WNT2: variants seen among roughly 807,000 people sequenced by gnomAD.
WNT2 encodes Wnt family member 2, also known as protein Wnt-2.
WNT2 carries 12 observed loss-of-function variants against 36.9 expected under a neutral mutation model. The observed-to-expected ratio is 0.33, with a 90% CI of 0.21 to 0.53. WNT2 has a LOEUF of 0.53. WNT2 is among the 20% of genes least tolerant of loss of function. WNT2 has a pLI of 0.95. For missense variants in WNT2, 379 were observed against 473.1 expected, an observed-to-expected ratio of 0.80 and a Z score of 1.84; for synonymous variants, 163 against 174.6, an observed-to-expected ratio of 0.93 and a Z score of 0.52.
At chr7:117,320,880 G>T in intron 1 of WNT2, 87 bp from the exon 2 acceptor site, 2 of 1,159,188 alleles carry the variant, frequency 1.7e-6, no homozygotes, top group Non-Finnish European at 2.5e-6. Context: ...GGAGTTCAAA[G>T]CACTTTTCAA....
intron 3 of WNT2, 41 bp downstream of exon 3, chr7:117,315,030 G>A: frequency 6.2e-7 from 1 of 1,603,964 alleles, no homozygotes; most frequent in Non-Finnish European, 8.5e-7. Flanking sequence ...GGTTTATAAA[G>A]CCATGCAGCC....
chr7:117,297,981 A>G, intron 3 of WNT2, 105 bp from the exon 4 acceptor site: 2 of 1,424,106 alleles, frequency 1.4e-6, no homozygotes, highest in Non-Finnish European at 9.4e-7. Flanking sequence ...AGGATGCTGG[A>G]TCCTGGGGCA....
Position 117,278,256 on chromosome 7 carries a change from A to G in WNT2, c.982T>C (p.Phe328Leu), listed in dbSNP as rs989117311. Residue 328 changes from phenylalanine (F) to leucine (L), a missense_variant, in exon 5 of 5, where the codon TTC becomes CTC. Transcript: ENST00000265441. ...VTRMTKCGCK[F>L]HWCCAVRCQD... ...CAGCGCACGGCGCAGCACCAGTGGA[A>G]CTTACACCCACACTTGGTCATCCGG... is the stretch of plus-strand genomic sequence containing the variant. The G allele has an allele frequency of 6.2e-7, 1 of 1,614,218 alleles. No individual in the cohort carries two copies. The highest frequency in any genetic ancestry group is 1.7e-5 in the Admixed American group (1 of 60,028).
chr7:117,310,683 C>T (rs1795105367), intron 3 of WNT2, among the ~76,000 whole-genome samples: 1 of 151,890 alleles, frequency 6.6e-6, no homozygotes, highest in African/African-American at 2.4e-5. Context: ...TCTTGAACTC[C>T]ACCCTAGAGT....
intron 2 of WNT2, among the ~76,000 whole-genome samples, chr7:117,318,650 T>C (rs551086500): frequency 2.0e-4 from 31 of 152,238 alleles, no homozygotes; most frequent in African/African-American, 6.5e-4. Flanking sequence ...TGATTTTCAT[T>C]CCTCAGCCTC....
chr7:117,288,548 C>A (rs917135395), intron 4 of WNT2, among the ~76,000 whole-genome samples: 1 of 152,116 alleles, frequency 6.6e-6, no homozygotes, highest in South Asian at 2.1e-4. Flanking sequence ...TTAACGTCAT[C>A]CTTTTGTTTG....
In WNT2 at chr7:117,277,508, C is replaced by T. The variant is rs1480062159; in HGVS notation, c.*647G>A. 4.6e-5 allele frequency: 7 copies of T among 153,630 alleles called. No individual in the cohort carries two copies. The highest frequency in any genetic ancestry group is 3.9e-4 in the Admixed American group (6 of 15,548). 9.5% of individuals were successfully genotyped at this position (153,630 alleles called of 1,614,324 possible). A position where few individuals can be genotyped will look rare whatever the true frequency, so the allele number is the denominator to read the frequency against. ...ACCATAGTACCAAAGGACACACGTCCCCACCTTGTTACATCAGATTTTAAT... is the reference window on the plus strand; with the variant it reads ...ACCATAGTACCAAAGGACACACGTCTCCACCTTGTTACATCAGATTTTAAT... On this transcript the variant is annotated 3_prime_UTR_variant, in exon 5 of 5. Transcript: ENST00000265441.
chr7:117,322,536 TACACACACACACACACACAC>T lies in WNT2; in HGVS notation c.83+351_83+370del, dbSNP rs144898264. ...GCGGTTGTAGTTTTCAAGGTGAATT[TACACACACACACACACACAC>T]ACACACACACACACACGTCTGTGCT... On this transcript the variant is annotated intron_variant, in intron 1 of 4. Transcript: ENST00000265441. The surrounding 1 kb of genome is among the most constrained non-coding windows in gnomAD (Gnocchi z 5.4). Among the ~76,000 whole-genome samples the T allele has an allele frequency of 2.3e-5, 3 of 127,904 alleles. No homozygotes were observed. The highest frequency in any genetic ancestry group is 4.8e-5 in the Non-Finnish European group (3 of 62,340). 83.9% of individuals were successfully genotyped at this position (127,904 alleles called of 152,430 possible).
At chr7:117,290,238 A>G (rs1259748285) in intron 4 of WNT2, among the ~76,000 whole-genome samples, 1 of 152,206 alleles carries the variant, frequency 6.6e-6, no homozygotes, top group Non-Finnish European at 1.5e-5. Flanking sequence ...GAGAGTTCAG[A>G]CAGCCTGGAA....
intron 3 of WNT2, among the ~76,000 whole-genome samples, chr7:117,311,822 C>A (rs1795127621): frequency 6.6e-6 from 1 of 152,192 alleles, no homozygotes; most frequent in Non-Finnish European, 1.5e-5. Flanking sequence ...CTTCCCGTAG[C>A]ACCACAAAAT....
chr7:117,290,366 G>A (rs1785606612), intron 4 of WNT2, among the ~76,000 whole-genome samples: 1 of 152,168 alleles, frequency 6.6e-6, no homozygotes, highest in African/African-American at 2.4e-5. Context: ...AGACTGTTTT[G>A]GGAAGGAGGG....
At position 117,321,582 on chromosome 7, in the gene WNT2, C is replaced by T. The variant is rs1033152667; in HGVS notation, c.84-789G>A. Among the ~76,000 whole-genome samples, 11 of 152,324 alleles carry T rather than the reference C, an allele frequency of 7.2e-5. 1 individual carries two copies. Among genetic ancestry groups the T allele is most frequent in the Admixed American group, 6.5e-5 (1 of 15,308 alleles). On this transcript the variant is annotated intron_variant, in intron 1 of 4. Coordinates refer to ENST00000265441, the MANE Select transcript of WNT2 (RefSeq NM_003391.3). ...AAAGGTACCTTTTATATAACCCAAGCTGCCATAGGTGTCTTTTGAAGCGAT... is the reference window on the plus strand; with the variant it reads ...AAAGGTACCTTTTATATAACCCAAGTTGCCATAGGTGTCTTTTGAAGCGAT...
intron 4 of WNT2, among the ~76,000 whole-genome samples, chr7:117,286,578 C>G (rs3729629): frequency 0.5 from 75,840 of 151,980 alleles, 19,277 homozygotes; most frequent in Middle Eastern, 0.58. Context: ...AGGGCATAAA[C>G]CAAGATTCAC....
In WNT2 at chr7:117,281,243, G is replaced by A. The variant is rs773690703; in HGVS notation, c.854-2859C>T. 9.2e-5 allele frequency among the ~76,000 whole-genome samples: 14 copies of A among 152,206 alleles called. 1 individual carries two copies. The highest frequency in any genetic ancestry group is 4.1e-4 in the South Asian group (2 of 4,828). Reference sequence around the variant, plus strand: ...GGTTAAAGGGTCTGTTGTTGTTGTTGTTATTGTTGTTTGAGACAGGGTCTC... The same window carrying A: ...GGTTAAAGGGTCTGTTGTTGTTGTTATTATTGTTGTTTGAGACAGGGTCTC... On this transcript the variant is annotated intron_variant, in intron 4 of 4. Transcript: ENST00000265441.
At chr7:117,281,246 A>G (rs1181523994) in intron 4 of WNT2, among the ~76,000 whole-genome samples, 3 of 150,146 alleles carry the variant, frequency 2.0e-5, no homozygotes, top group Non-Finnish European at 2.9e-5. Context: ...TGTTGTTGTT[A>G]TTGTTGTTTG....
chr7:117,320,850 C>T (rs189628077), intron 1 of WNT2, 57 bp from the exon 2 acceptor site: 4 of 1,479,952 alleles, frequency 2.7e-6, no homozygotes, highest in African/African-American at 2.8e-5. Flanking sequence ...AGGCCTGGCT[C>T]AGTGTTCCTG....
chr7:117,298,990 C>G (rs1180394152), intron 3 of WNT2, among the ~76,000 whole-genome samples: 2 of 152,160 alleles, frequency 1.3e-5, no homozygotes, highest in African/African-American at 4.8e-5. Context: ...GATGGGGTAC[C>G]CACTACATTT....
chr7:117,278,300 T>G lies in WNT2; in HGVS notation c.938A>C (p.Tyr313Ser). ...CATCCGGGTGACATGGGAGGTGTCG[T>G]AGCCTCTCCCACAGCACATGACTTC... ...SCEVMCCGRG[Y>S]DTSHVTRMTK... Residue 313 changes from tyrosine (Y) to serine (S), a missense_variant, in exon 5 of 5, where the codon TAC becomes TCC. By Grantham distance (144) the Tyr-to-Ser change is moderately radical. Coordinates refer to ENST00000265441, the MANE Select transcript of WNT2 (RefSeq NM_003391.3). 6.2e-7 allele frequency: 1 copy of G among 1,614,210 alleles called. No homozygotes were observed. The highest frequency in any genetic ancestry group is 8.5e-7 in the Non-Finnish European group (1 of 1,180,032).
At chr7:117,290,192 G>T (rs1229337579) in intron 4 of WNT2, among the ~76,000 whole-genome samples, 1 of 152,180 alleles carries the variant, frequency 6.6e-6, no homozygotes, top group Non-Finnish European at 1.5e-5. Context: ...GGAATGGAGA[G>T]ACCAAACCAG....
Sources: gnomAD v4.1 joint callset for allele counts (sites outside exome capture counted in the v4.1 genomes callset) on GRCh38, gnomAD v4.1.1 for gene constraint, Gnocchi (gnomAD v3.1) non-coding constraint, MANE v1.5 for transcripts, NCBI Gene and HGNC (gene_info 2026-07-23, HGNC 2026-07-21) for gene names.